Variants in HCN1 observed in about 807,000 individuals in gnomAD.
HCN1 encodes the protein potassium/sodium hyperpolarization-activated cyclic nucleotide-gated channel 1.
In HCN1, 13 loss-of-function variants were observed where a neutral mutation model predicts 78.9. The ratio of observed to expected loss-of-function variants is 0.16; its 90% confidence interval spans 0.11 to 0.26. The LOEUF (loss-of-function observed/expected upper bound fraction) is 0.26, where lower values mean the gene tolerates loss of function less well. HCN1 is among the 10% of genes least tolerant of loss of function. The pLI, the probability that HCN1 is intolerant of heterozygous loss-of-function variation, is 1.00. For missense variants in HCN1, 810 were observed against 1,154.3 expected (o/e 0.70, Z 4.32); for synonymous variants, 552 against 455.5 (o/e 1.21, Z -2.70).
intron 1 of HCN1, among the ~76,000 whole-genome samples, chr5:45,657,196 T>C (rs1389471910): frequency 3.9e-5 from 6 of 152,200 alleles, no homozygotes; most frequent in Non-Finnish European, 7.3e-5. Flanking sequence ...TCCTACAGCA[T>C]ACTTTAAGCA....
At chr5:45,360,119 A>C (rs1747081103) in intron 4 of HCN1, among the ~76,000 whole-genome samples, 1 of 151,462 alleles carries the variant, frequency 6.6e-6, no homozygotes, top group Admixed American at 6.6e-5. Context: ...ATTAAAAAGC[A>C]AACAGGTTAA....
At chr5:45,657,971 T>G (rs975497906) in intron 1 of HCN1, among the ~76,000 whole-genome samples, 1 of 152,160 alleles carries the variant, frequency 6.6e-6, no homozygotes, top group Non-Finnish European at 1.5e-5. Flanking sequence ...GGAGGCATCA[T>G]GCTACCTGAC....
At chr5:45,293,281 A>G (rs1245303411) in intron 6 of HCN1, among the ~76,000 whole-genome samples, 1 of 152,034 alleles carries the variant, frequency 6.6e-6, no homozygotes, top group Non-Finnish European at 1.5e-5. Context: ...TATTTTAATA[A>G]TAGCCATTCT....
intron 2 of HCN1, among the ~76,000 whole-genome samples, chr5:45,498,561 G>T (rs193145681): frequency 6.6e-6 from 1 of 152,132 alleles, no homozygotes; most frequent in Non-Finnish European, 1.5e-5. Flanking sequence ...TAATTTGATC[G>T]TCTGAAGCCT....
intron 5 of HCN1, among the ~76,000 whole-genome samples, chr5:45,325,653 G>A (rs983815239): frequency 2.0e-5 from 3 of 151,696 alleles, no homozygotes; most frequent in Admixed American, 1.3e-4. Flanking sequence ...CTTCTAAATT[G>A]CAAGATGGTT....
chr5:45,569,333 A>G (rs1743778565), intron 2 of HCN1, among the ~76,000 whole-genome samples: 1 of 152,186 alleles, frequency 6.6e-6, no homozygotes, highest in African/African-American at 2.4e-5. Flanking sequence ...GTTGTAGATA[A>G]GGAAAAATTA....
At chr5:45,277,027 TTTC>T (rs1315840902) in intron 6 of HCN1, among the ~76,000 whole-genome samples, 1 of 152,052 alleles carries the variant, frequency 6.6e-6, no homozygotes, top group Non-Finnish European at 1.5e-5. Context: ...ATAGAGAATA[TTTC>T]TCCATGGGTA....
At chr5:45,425,913 G>T (rs1047175627) in intron 3 of HCN1, among the ~76,000 whole-genome samples, 2 of 152,134 alleles carry the variant, frequency 1.3e-5, no homozygotes, top group Non-Finnish European at 2.9e-5. Context: ...AATGACAAAA[G>T]ATAGAACACA....
chr5:45,553,739 A>G (rs1326279994), intron 2 of HCN1, among the ~76,000 whole-genome samples: 2 of 151,926 alleles, frequency 1.3e-5, no homozygotes, highest in Non-Finnish European at 2.9e-5. Context: ...ATAATACCTA[A>G]TACCACCTAA....
At chr5:45,343,656 T>C (rs1277627494) in intron 5 of HCN1, among the ~76,000 whole-genome samples, 1 of 152,170 alleles carries the variant, frequency 6.6e-6, no homozygotes, top group African/African-American at 2.4e-5. Flanking sequence ...AATGACTTCA[T>C]TATATAATCT....
chr5:45,687,147 T>G (rs1275345841), intron 1 of HCN1, among the ~76,000 whole-genome samples: 3 of 152,214 alleles, frequency 2.0e-5, no homozygotes, highest in African/African-American at 7.2e-5. Flanking sequence ...CTTCTTGATA[T>G]GTAACTTTTT....
At chr5:45,274,102 AATATAG>A (rs1242144425) in intron 6 of HCN1, among the ~76,000 whole-genome samples, 1 of 152,160 alleles carries the variant, frequency 6.6e-6, no homozygotes, top group African/African-American at 2.4e-5. Context: ...CAAATTTCTA[AATATAG>A]ATATAAAGAA....
intron 4 of HCN1, among the ~76,000 whole-genome samples, chr5:45,374,705 A>G (rs1747564099): frequency 1.3e-5 from 2 of 150,616 alleles, no homozygotes; most frequent in Non-Finnish European, 3.0e-5. Context: ...AGAAAACTTC[A>G]GGTAAATATG....
At chr5:45,693,348 G>A (rs1739950272) in intron 1 of HCN1, among the ~76,000 whole-genome samples, 1 of 152,064 alleles carries the variant, frequency 6.6e-6, no homozygotes, top group African/African-American at 2.4e-5. Context: ...AGTGTATATT[G>A]TAATTATGTT....
chr5:45,422,270 G>A (rs184564768), intron 3 of HCN1, among the ~76,000 whole-genome samples: 1 of 152,108 alleles, frequency 6.6e-6, no homozygotes. Flanking sequence ...ACAGGTATGC[G>A]GTTTTCCCTG....
rs1029289100 is a variant in HCN1, at chr5:45,255,422, T to C, written c.*6499A>G. The C allele has an allele frequency of 1.3e-5, 2 of 152,226 alleles. No individual in the cohort carries two copies. The highest frequency in any genetic ancestry group is 4.8e-5 in the African/African-American group (2 of 41,456). The allele number at this position is 152,226 out of a possible 1,614,324, so 9.4% of individuals were successfully genotyped here. A position where few individuals can be genotyped will look rare whatever the true frequency, so the allele number is the denominator to read the frequency against. On this transcript the variant is annotated 3_prime_UTR_variant, in exon 8 of 8. Coordinates refer to ENST00000303230, the MANE Select transcript of HCN1 (RefSeq NM_021072.4). ...AATACACATATGAATCATCTGGGGATCTTGCCCAAAAGCGGACTTCTGTAG... is the reference window on the plus strand; with the variant it reads ...AATACACATATGAATCATCTGGGGACCTTGCCCAAAAGCGGACTTCTGTAG...
intron 2 of HCN1, among the ~76,000 whole-genome samples, chr5:45,571,855 A>AC (rs1743843657): frequency 6.6e-6 from 1 of 152,180 alleles, no homozygotes; most frequent in Admixed American, 6.6e-5. Context: ...CAGAGGTTGC[A>AC]GTGAGCTGAG....
At chr5:45,589,211 A>G (rs1331829427) in intron 2 of HCN1, among the ~76,000 whole-genome samples, 2 of 152,186 alleles carry the variant, frequency 1.3e-5, no homozygotes, top group African/African-American at 2.4e-5. Context: ...ACACTGTGTG[A>G]GTAGGTGTGA....
In HCN1 at chr5:45,459,464, G is replaced by A. The variant is rs1364706790; in HGVS notation, c.1011+2382C>T. 6.7e-5 allele frequency among the ~76,000 whole-genome samples: 10 copies of A among 148,206 alleles called. No homozygotes were observed. The East Asian group carries it at 2.0e-3, about 29-fold the overall frequency. Reference sequence around the variant, plus strand: ...TGGAAAGATATTTTGTATAATGTCAGGATATTAAAAAAGGTTGAAGGTTGG... The same window carrying A: ...TGGAAAGATATTTTGTATAATGTCAAGATATTAAAAAAGGTTGAAGGTTGG... On this transcript the variant is annotated intron_variant, in intron 3 of 7. Transcript: ENST00000303230.
Sources: allele counts gnomAD v4.1 joint callset (sites outside exome capture counted in the v4.1 genomes callset), GRCh38; gene constraint gnomAD v4.1.1; transcripts MANE v1.5; gene names NCBI Gene and HGNC (gene_info 2026-07-23, HGNC 2026-07-21).